Variants in EPHA5 observed in about 807,000 individuals in gnomAD.
EPHA5 encodes the protein EPH receptor A5.
EPHA5 carries 60 observed loss-of-function variants against 105.0 expected under a neutral mutation model. The observed-to-expected ratio is 0.57, with a 90% CI of 0.46 to 0.71. The LOEUF (loss-of-function observed/expected upper bound fraction) is 0.71. Ranked by LOEUF, EPHA5 falls within the 30% of genes least tolerant of loss-of-function variation. The pLI is 0.00. For synonymous variants in EPHA5, 513 were observed against 449.1 expected (o/e 1.14, Z -1.80); for missense variants, 1,218 against 1,274.7 (o/e 0.96, Z 0.68).
rs1411450820 is a variant in EPHA5 at position 65,348,813 on chromosome 4, A to ATTTTTT, written c.2446-611_2446-610insAAAAAA. On this transcript the variant is annotated intron_variant, in intron 13 of 16. Coordinates refer to ENST00000613740, the MANE Select transcript of EPHA5 (RefSeq NM_001281766.3). ...TGTGTGTATATATATATATATATAT[A>ATTTTTT]TATTTTTTTTTTTTTTTTTTGAGAC... Among the ~76,000 whole-genome samples the ATTTTTT allele has an allele frequency of 2.4e-3, 99 of 41,330 alleles. 2 individuals carry two copies. The highest frequency in any genetic ancestry group is 2.8e-3 in the African/African-American group (34 of 12,310). The allele number at this position is 41,330 out of a possible 152,430, so 27.1% of individuals were successfully genotyped here.
chr4:65,590,887 T>C (rs891127587), intron 3 of EPHA5, among the ~76,000 whole-genome samples: 3 of 152,104 alleles, frequency 2.0e-5, no homozygotes, highest in African/African-American at 7.2e-5. Flanking sequence ...AAAGTACAGA[T>C]AGATCATAGT....
At chr4:65,428,865 T>A (rs1243431352) in intron 5 of EPHA5, among the ~76,000 whole-genome samples, 1 of 151,978 alleles carries the variant, frequency 6.6e-6, no homozygotes, top group Non-Finnish European at 1.5e-5. Context: ...AAAATGACAA[T>A]AATAAAAATA....
chr4:65,520,756 CA>C (rs573974392), intron 3 of EPHA5, among the ~76,000 whole-genome samples: 397 of 152,140 alleles, frequency 2.6e-3, no homozygotes, highest in African/African-American at 9.0e-3. Context: ...TTTATGCAGC[CA>C]AAAGACATAT....
chr4:65,477,041 A>G (rs1360817425), intron 5 of EPHA5, among the ~76,000 whole-genome samples: 1 of 152,246 alleles, frequency 6.6e-6, no homozygotes, highest in Non-Finnish European at 1.5e-5. Flanking sequence ...CCCATCATTT[A>G]TGAACTATTT....
At chr4:65,545,617 A>G (rs970968240) in intron 3 of EPHA5, among the ~76,000 whole-genome samples, 7 of 151,998 alleles carry the variant, frequency 4.6e-5, no homozygotes, top group African/African-American at 1.4e-4. Context: ...AAAACAAAGA[A>G]TTCAAGGCTC....
rs372613182 is a variant in EPHA5, at chr4:65,546,737, G to A, written c.911-51194C>T. 3.9e-5 allele frequency among the ~76,000 whole-genome samples: 6 copies of A among 152,072 alleles called. No individual in the cohort carries two copies. In the East Asian group the frequency reaches 1.2e-3, roughly 29 times the overall value. The stretch of plus-strand genomic sequence containing the variant: ...CTAGTAAGAGCAATTTACAATGTCT[G>A]CGAACTTCAAGATCCCTAAAGTCTA... On this transcript the variant is annotated intron_variant, in intron 3 of 16. Coordinates refer to ENST00000613740, the MANE Select transcript of EPHA5 (RefSeq NM_001281766.3).
chr4:65,516,470 C>G (rs183438982), intron 3 of EPHA5, among the ~76,000 whole-genome samples: 68 of 152,088 alleles, frequency 4.5e-4, no homozygotes, highest in Middle Eastern at 3.4e-3. Flanking sequence ...ATTTTAGGAA[C>G]AGCAGAGGCA....
intron 5 of EPHA5, among the ~76,000 whole-genome samples, chr4:65,463,070 G>C (rs1160488985): frequency 3.3e-5 from 5 of 152,174 alleles, no homozygotes; most frequent in African/African-American, 1.2e-4. Context: ...AGGTAAGTAT[G>C]TAGTACACTG....
At chr4:65,630,648 C>A (rs1355868059) in intron 2 of EPHA5, among the ~76,000 whole-genome samples, 1 of 152,140 alleles carries the variant, frequency 6.6e-6, no homozygotes, top group African/African-American at 2.4e-5. Flanking sequence ...CCTGCTCTAA[C>A]ACTTGCCTCA....
chr4:65,371,095 T>A (rs533660090), intron 8 of EPHA5, among the ~76,000 whole-genome samples: 1 of 152,290 alleles, frequency 6.6e-6, no homozygotes, highest in South Asian at 2.1e-4. Context: ...TGTCTTTTTT[T>A]TCTGAATGGA....
intron 3 of EPHA5, among the ~76,000 whole-genome samples, chr4:65,562,094 T>A (rs751643482): frequency 1.3e-5 from 2 of 151,998 alleles, no homozygotes; most frequent in Non-Finnish European, 2.9e-5. Context: ...GGATTTTGAG[T>A]CAAGATTGAA....
At position 65,323,597 on chromosome 4, in the gene EPHA5, TA is replaced by T. The variant is rs1415457121; in HGVS notation, c.*516del. On this transcript the variant is annotated 3_prime_UTR_variant, in exon 17 of 17. Coordinates refer to ENST00000613740, the MANE Select transcript of EPHA5 (RefSeq NM_001281766.3). The stretch of plus-strand genomic sequence containing the variant: ...AACTTAACGCTGTGTAACAGCATTT[TA>T]AAATTACAAAAGAAGATATCTATTA... 1 of 230,374 alleles carries T rather than the reference TA, an allele frequency of 4.3e-6. No homozygotes were observed. Among genetic ancestry groups the T allele is most frequent in the African/African-American group, 2.2e-5 (1 of 45,284 alleles). The allele number at this position is 230,374 out of a possible 1,614,324, so 14.3% of individuals were successfully genotyped here.
At chr4:65,445,589 G>A (rs2149095250) in intron 5 of EPHA5, among the ~76,000 whole-genome samples, 1 of 152,158 alleles carries the variant, frequency 6.6e-6, no homozygotes, top group South Asian at 2.1e-4. Flanking sequence ...GTGTACTCCA[G>A]CCTTAACTTG....
At chr4:65,425,934 A>G (rs1724393858) in intron 5 of EPHA5, among the ~76,000 whole-genome samples, 2 of 152,254 alleles carry the variant, frequency 1.3e-5, no homozygotes, top group South Asian at 4.1e-4. Context: ...TGTCTGGTTC[A>G]TTGTTGCTTG....
chr4:65,656,364 G>C lies in EPHA5; in HGVS notation c.182-12937C>G, dbSNP rs1405749362. Among the ~76,000 whole-genome samples the C allele has an allele frequency of 4.6e-5, 7 of 151,492 alleles. No homozygotes were observed. The South Asian group carries it at 1.0e-3, about 22-fold the overall frequency. ...GGTTTTCTACCAGGAAGTGAGAACT[G>C]TGTAACTGAAAGCTTATGCTTAACT... On this transcript the variant is annotated intron_variant, in intron 1 of 16. Transcript: ENST00000613740.
chr4:65,489,594 A>C (rs995367690), intron 5 of EPHA5, among the ~76,000 whole-genome samples: 4 of 152,160 alleles, frequency 2.6e-5, no homozygotes. Flanking sequence ...AATTACTCTT[A>C]GGTTTAGAAT....
intron 1 of EPHA5, 87 bp from the exon 2 acceptor site, chr4:65,643,514 T>C (rs894408991): frequency 9.0e-7 from 1 of 1,117,236 alleles, no homozygotes; most frequent in Admixed American, 1.9e-5. Flanking sequence ...TAAAATTGCA[T>C]GTTGTTTACA....
intron 5 of EPHA5, among the ~76,000 whole-genome samples, chr4:65,448,315 ATGACATTGTAATT>A (rs1455181866): frequency 6.6e-6 from 1 of 151,946 alleles, no homozygotes; most frequent in Non-Finnish European, 1.5e-5. Flanking sequence ...TATAATAATT[ATGACATTGTAATT>A]ATTATATTTA....
At chr4:65,513,668 G>A (rs962782363) in intron 3 of EPHA5, among the ~76,000 whole-genome samples, 1 of 152,168 alleles carries the variant, frequency 6.6e-6, no homozygotes, top group South Asian at 2.1e-4. Flanking sequence ...TTGCAGGCAT[G>A]AGCCACTGCG....
Sources: gnomAD v4.1 joint callset for allele counts (sites outside exome capture counted in the v4.1 genomes callset) on GRCh38, gnomAD v4.1.1 for gene constraint, MANE v1.5 for transcripts, NCBI Gene and HGNC (gene_info 2026-07-23, HGNC 2026-07-21) for gene names.